AIRE: variants seen among roughly 807,000 people sequenced by gnomAD.
The protein encoded by AIRE is autoimmune regulator, also known as autoimmune polyendocrinopathy candidiasis ectodermal dystrophy protein.
AIRE carries 52 observed loss-of-function variants against 62.1 expected under a neutral mutation model. That is an observed-to-expected ratio of 0.84 (90% CI 0.67 to 1.06). The LOEUF (loss-of-function observed/expected upper bound fraction) is 1.06, where lower values mean the gene tolerates loss of function less well. Among genes scored for constraint, AIRE ranks in the 50% least tolerant of loss-of-function variants. AIRE has a pLI of 0.00. For missense variants in AIRE, 774 were observed against 755.8 expected, an observed-to-expected ratio of 1.02 and a Z score of -0.28; for synonymous variants, 342 against 321.6, an observed-to-expected ratio of 1.06 and a Z score of -0.68.
intron 4 of AIRE, among the ~76,000 whole-genome samples, chr21:44,288,067 G>A (rs1300976728): frequency 1.3e-5 from 2 of 152,110 alleles, no homozygotes; most frequent in Non-Finnish European, 2.9e-5. Flanking sequence ...GGGTGGGTCT[G>A]GTCATTGGTC....
chr21:44,296,337 A>G (rs1185128271), intron 12 of AIRE, 46 bp from the exon 13 acceptor site: 3 of 1,537,926 alleles, frequency 2.0e-6, no homozygotes, highest in Admixed American at 3.3e-5. Flanking sequence ...TACCCCCACC[A>G]GGGCTGTGGG....
Position 44,297,746 on chromosome 21 carries a change from TG to T in AIRE, c.*20del, listed in dbSNP as rs1161038885. 3 of 1,601,280 alleles carry T rather than the reference TG, an allele frequency of 1.9e-6. No individual in the cohort carries two copies. The highest frequency in any genetic ancestry group is 2.6e-6 in the Non-Finnish European group (3 of 1,169,936). On this transcript the variant is annotated 3_prime_UTR_variant, in exon 14 of 14. Coordinates refer to ENST00000291582, the MANE Select transcript of AIRE (RefSeq NM_000383.4). This position sits in a 1 kb window ranked among gnomAD's most constrained non-coding sequence, Gnocchi z 4.8. ...CTCCTGACCCCAGATGGCCGGGACA[TG>T]CAGCTCTGATGAGAGAGTGCTGAGA...
chr21:44,288,287 T>G, intron 4 of AIRE, 58 bp from the exon 5 acceptor site: 1 of 1,334,662 alleles, frequency 7.5e-7, no homozygotes, highest in Non-Finnish European at 1.1e-6. Context: ...TGGCATAGAG[T>G]ATGTGCTTGG....
rs2040617576 is a variant in AIRE, at chr21:44,297,118, T to C, written c.1567-538T>C. Among the ~76,000 whole-genome samples the C allele has an allele frequency of 6.6e-6, 1 of 151,910 alleles. No individual in the cohort carries two copies. Among genetic ancestry groups the C allele is most frequent in the Non-Finnish European group, 1.5e-5 (1 of 67,930 alleles). On this transcript the variant is annotated intron_variant, in intron 13 of 13. Transcript: ENST00000291582. The surrounding 1 kb of genome is among the most constrained non-coding windows in gnomAD (Gnocchi z 4.8). Reference sequence around the variant, plus strand: ...TCTGCAGAGCCCCAGGGCCTGAGAGTGGGCCAGGGGGCCCAGCGCTGGGTA... The same window carrying C: ...TCTGCAGAGCCCCAGGGCCTGAGAGCGGGCCAGGGGGCCCAGCGCTGGGTA...
chr21:44,287,226 A>C lies in AIRE; in HGVS notation c.463+93A>C. The stretch of plus-strand genomic sequence containing the variant: ...CCCCTCCCCACCCGGGCTCCCACCC[A>C]CTGGGTGTGGGGCCAGCCTGCCTGG... On this transcript the variant is annotated intron_variant, in intron 3 of 13. Transcript: ENST00000291582. The surrounding 1 kb of genome is among the most constrained non-coding windows in gnomAD (Gnocchi z 4.3). 6.7e-7 allele frequency: 1 copy of C among 1,497,882 alleles called. No individual in the cohort carries two copies. Among genetic ancestry groups the C allele is most frequent in the Non-Finnish European group, 9.1e-7 (1 of 1,097,302 alleles). 92.8% of individuals were successfully genotyped at this position (1,497,882 alleles called of 1,614,324 possible).
intron 7 of AIRE, chr21:44,290,405 T>C: frequency 1.0e-6 from 1 of 985,378 alleles, no homozygotes; most frequent in Non-Finnish European, 1.2e-6. Flanking sequence ...AATGCCATGC[T>C]CATCTTTCGT....
rs1398197084 is a variant in AIRE at position 44,287,467 on chromosome 21, T to G, written c.464-50T>G. 8 of 1,352,578 alleles carry G rather than the reference T, an allele frequency of 5.9e-6. No homozygotes were observed. The Admixed American group carries it at 1.6e-4, about 27-fold the overall frequency. The allele number at this position is 1,352,578 out of a possible 1,614,324, so 83.8% of individuals were successfully genotyped here. On this transcript the variant is annotated intron_variant, in intron 3 of 13. Coordinates refer to ENST00000291582, the MANE Select transcript of AIRE (RefSeq NM_000383.4). This position sits in a 1 kb window ranked among gnomAD's most constrained non-coding sequence, Gnocchi z 4.3. ...ACCGCGGGCCCCTGCCCACCGGCAC[T>G]CACCCCCACTGAGAGGGGAGGCCAG...
chr21:44,287,141 C>T lies in AIRE; in HGVS notation c.463+8C>T, dbSNP rs1254946795. On this transcript the variant is annotated splice_region_variant and intron_variant, in intron 3 of 13. Transcript: ENST00000291582. This position sits in a 1 kb window ranked among gnomAD's most constrained non-coding sequence, Gnocchi z 4.3. ...GGGGCACCGCCAGCCCAGGTACCCT[C>T]CCTGCAGGGGAAGCCAGCCAGGGTC... The T allele has an allele frequency of 6.2e-7, 1 of 1,611,826 alleles. No individual in the cohort carries two copies. Among genetic ancestry groups the T allele is most frequent in the East Asian group, 2.2e-5 (1 of 44,874 alleles).
chr21:44,286,975 C>T lies in AIRE; in HGVS notation c.308-3C>T, dbSNP rs2040488274. 9 of 1,612,628 alleles carry T rather than the reference C, an allele frequency of 5.6e-6. No individual in the cohort carries two copies. Among genetic ancestry groups the T allele is most frequent in the Admixed American group, 5.0e-5 (3 of 60,004 alleles). Reference sequence around the variant, plus strand: ...GGACCCTGCTCCTGCCCCTGAGCTGCAGATGTGGACCTCAGCCAGCCCCGG... The same window carrying T: ...GGACCCTGCTCCTGCCCCTGAGCTGTAGATGTGGACCTCAGCCAGCCCCGG... On this transcript the variant is annotated splice_polypyrimidine_tract_variant and splice_region_variant and intron_variant, in intron 2 of 13. Coordinates refer to ENST00000291582, the MANE Select transcript of AIRE (RefSeq NM_000383.4). The surrounding 1 kb of genome is among the most constrained non-coding windows in gnomAD (Gnocchi z 6.0).
rs1221626097 is a variant in AIRE, at chr21:44,293,840, C to G, written c.1330C>G (p.Leu444Val). ...GGTGTGCGGAGATGGTACGGACGTG[C>G]TGCGGTGTACTCACTGCGCCGCTGC... ...CGVCGDGTDVLRCTHCAAAFH... is the reference protein window; with the variant it reads ...CGVCGDGTDVVRCTHCAAAFH... Residue 444 changes from leucine to valine, a missense_variant, in exon 11 of 14, where the codon CTG (leucine) becomes GTG (valine). By Grantham distance (32) the Leu-to-Val change is conservative (BLOSUM62 1). This residue lies in a region of AIRE where 354 missense variants were observed against 296.1 expected (regional missense o/e 1.20). Coordinates refer to ENST00000291582, the MANE Select transcript of AIRE (RefSeq NM_000383.4). 6.3e-7 allele frequency: 1 copy of G among 1,596,998 alleles called. No individual in the cohort carries two copies. The highest frequency in any genetic ancestry group is 2.2e-5 in the East Asian group (1 of 44,866).
chr21:44,289,943 C>A (rs1265181799), intron 6 of AIRE, 45 bp from the exon 7 acceptor site: 1 of 1,601,174 alleles, frequency 6.2e-7, no homozygotes, highest in Non-Finnish European at 8.5e-7. Context: ...TGTGCACCCT[C>A]GCTGCTGAGG....
rs1456454223 is a variant in AIRE, at chr21:44,287,924, C to T, written c.538+333C>T. ...ATCATCCCTGGCCCCCAGCTGCATG[C>T]AGGCTGAACCCTTCCTGTCCCCTTC... On this transcript the variant is annotated intron_variant, in intron 4 of 13. Coordinates refer to ENST00000291582, the MANE Select transcript of AIRE (RefSeq NM_000383.4). This position sits in a 1 kb window ranked among gnomAD's most constrained non-coding sequence, Gnocchi z 4.3. Among the ~76,000 whole-genome samples the T allele has an allele frequency of 6.6e-6, 1 of 152,182 alleles. No individual in the cohort carries two copies. Among genetic ancestry groups the T allele is most frequent in the African/African-American group, 2.4e-5 (1 of 41,432 alleles).
intron 11 of AIRE, 51 bp downstream of exon 11, chr21:44,293,961 A>AGCC (rs2146384895): frequency 6.4e-7 from 1 of 1,556,348 alleles, no homozygotes; most frequent in Non-Finnish European, 8.6e-7. Context: ...CACACCCTAC[A>AGCC]CCCCACCCCA....
rs758527824 is a variant in AIRE at position 44,287,173 on chromosome 21, C to A, written c.463+40C>A. ...GGGGAAGCCAGCCAGGGTCTCCAGT[C>A]TTCCCGGGCTTCCCCGGGAGCCCAC... On this transcript the variant is annotated intron_variant, in intron 3 of 13. Coordinates refer to ENST00000291582, the MANE Select transcript of AIRE (RefSeq NM_000383.4). The surrounding 1 kb of genome is among the most constrained non-coding windows in gnomAD (Gnocchi z 4.3). The A allele has an allele frequency of 2.5e-6, 4 of 1,607,342 alleles. No homozygotes were observed. Among genetic ancestry groups the A allele is most frequent in the East Asian group, 2.2e-5 (1 of 44,830 alleles).
In AIRE at chr21:44,287,618, C is replaced by T; in HGVS notation, c.538+27C>T. 6.5e-7 allele frequency: 1 copy of T among 1,544,194 alleles called. No individual in the cohort carries two copies. The highest frequency in any genetic ancestry group is 8.7e-7 in the Non-Finnish European group (1 of 1,143,224). ...TGAGCGGGGCCCAGTGGGAGCGCCT[C>T]CCTTCTCCCTGGCCAGGGGCAAGGG... On this transcript the variant is annotated intron_variant, in intron 4 of 13. Transcript: ENST00000291582. The surrounding 1 kb of genome is among the most constrained non-coding windows in gnomAD (Gnocchi z 4.3).
Position 44,287,541 on chromosome 21 carries a change from C to G in AIRE, c.488C>G (p.Pro163Arg), listed in dbSNP as rs771592755. 1 of 1,558,592 alleles carries G rather than the reference C, an allele frequency of 6.4e-7. No homozygotes were observed. The change falls in exon 4 of 14, where the codon CCC (proline) becomes CGC (arginine). Residue 163 changes from proline to arginine, a missense_variant. Coordinates refer to ENST00000291582, the MANE Select transcript of AIRE (RefSeq NM_000383.4). This position sits in a 1 kb window ranked among gnomAD's most constrained non-coding sequence, Gnocchi z 4.3. ...GGCTCTCAACTGAAGGCCAAGCCCC[C>G]CAAGAAGCCGGAGAGCAGCGCAGAG... ...SPGSQLKAKPPKKPESSAEQQ... is the reference protein window; with the variant it reads ...SPGSQLKAKPRKKPESSAEQQ...
intron 12 of AIRE, among the ~76,000 whole-genome samples, 199 bp from the exon 13 acceptor site, chr21:44,296,184 G>A (rs1273981736): frequency 1.3e-5 from 2 of 152,136 alleles, no homozygotes; most frequent in African/African-American, 2.4e-5. Context: ...GCAGCTGGCC[G>A]TGGGCAGGAC....
Position 44,297,529 on chromosome 21 carries a change from G to A in AIRE, c.1567-127G>A, listed in dbSNP as rs3746965. On this transcript the variant is annotated intron_variant, in intron 13 of 13. Coordinates refer to ENST00000291582, the MANE Select transcript of AIRE (RefSeq NM_000383.4). The surrounding 1 kb of genome is among the most constrained non-coding windows in gnomAD (Gnocchi z 4.8). ...AGACTGGCCTGTGCCATGGGGCCTC[G>A]GGCCTCAGTTTCCCCACCTTTGACT... 218,083 of 856,854 alleles carry A rather than the reference G, an allele frequency of 0.25. 31,510 individuals carry two copies. The highest frequency in any genetic ancestry group is 0.54 in the African/African-American group (32,125 of 59,760). The allele number at this position is 856,854 out of a possible 1,614,324, so 53.1% of individuals were successfully genotyped here.
rs188004485 is a variant in AIRE, at chr21:44,298,035, G to A, written c.*308G>A. On this transcript the variant is annotated 3_prime_UTR_variant, in exon 14 of 14. Transcript: ENST00000291582. ...TAATCCCAGCTACATGGGAGCCTGA[G>A]GCATGAGAATCACTTGAACTCGGGA... 66 of 399,760 alleles carry A rather than the reference G, an allele frequency of 1.7e-4. No homozygotes were observed. The highest frequency in any genetic ancestry group is 1.1e-3 in the African/African-American group (52 of 48,906). The allele number at this position is 399,760 out of a possible 1,614,324, so 24.8% of individuals were successfully genotyped here.
Sources: allele counts gnomAD v4.1 joint callset (sites outside exome capture counted in the v4.1 genomes callset), GRCh38; gene constraint gnomAD v4.1.1; regional missense constraint gnomAD v4.1.1; non-coding constraint Gnocchi (gnomAD v3.1); transcripts MANE v1.5; gene names NCBI Gene and HGNC (gene_info 2026-07-23, HGNC 2026-07-21).